L3MBTL4: variants seen among roughly 807,000 people sequenced by gnomAD.
L3MBTL4 encodes the protein lethal(3)malignant brain tumor-like protein 4.
In L3MBTL4, 70 loss-of-function variants were observed where a neutral mutation model predicts 84.5. The observed-to-expected ratio is 0.83, with a 90% CI of 0.68 to 1.01. The LOEUF (loss-of-function observed/expected upper bound fraction) is 1.01, where lower values mean the gene tolerates loss of function less well. L3MBTL4 is among the 50% of genes least tolerant of loss of function. The pLI, the probability that L3MBTL4 is intolerant of heterozygous loss-of-function variation, is 0.00. For missense variants in L3MBTL4, 715 were observed against 754.8 expected (o/e 0.95, Z 0.62); for synonymous variants, 274 against 259.8 (o/e 1.05, Z -0.52).
chr18:6,141,795 G>C (rs1044708071), intron 13 of L3MBTL4, among the ~76,000 whole-genome samples: 4 of 152,142 alleles, frequency 2.6e-5, no homozygotes, highest in African/African-American at 7.2e-5. Context: ...CTTGCAACCA[G>C]AGCAATCTTT....
At chr18:6,001,610 G>C (rs990690093) in intron 16 of L3MBTL4, among the ~76,000 whole-genome samples, 3 of 151,820 alleles carry the variant, frequency 2.0e-5, no homozygotes, top group Non-Finnish European at 4.4e-5. Flanking sequence ...AGGAAAGTAT[G>C]ACCCACTCAA....
intron 16 of L3MBTL4, among the ~76,000 whole-genome samples, chr18:6,041,903 G>A (rs1342676500): frequency 2.7e-5 from 4 of 149,948 alleles, no homozygotes; most frequent in Non-Finnish European, 5.9e-5. Flanking sequence ...TTTTTTTTTG[G>A]TATGGATGGG....
intron 4 of L3MBTL4, among the ~76,000 whole-genome samples, chr18:6,279,715 GT>G (rs1211706398): frequency 6.6e-6 from 1 of 152,110 alleles, no homozygotes; most frequent in Non-Finnish European, 1.5e-5. Context: ...TAATTAGGAG[GT>G]TAATATTAAG....
chr18:6,029,078 G>C (rs1003965444), intron 16 of L3MBTL4, among the ~76,000 whole-genome samples: 1 of 152,100 alleles, frequency 6.6e-6, no homozygotes, highest in African/African-American at 2.4e-5. Flanking sequence ...TTAAATCACC[G>C]AAACCATGAC....
intron 8 of L3MBTL4, among the ~76,000 whole-genome samples, chr18:6,240,126 T>C (rs929162444): frequency 1.3e-5 from 2 of 152,204 alleles, no homozygotes; most frequent in African/African-American, 4.8e-5. Context: ...TTTCTTTCCC[T>C]TATCATCTTC....
intron 4 of L3MBTL4, among the ~76,000 whole-genome samples, chr18:6,281,541 A>G (rs2049322029): frequency 6.6e-6 from 1 of 152,172 alleles, no homozygotes; most frequent in Non-Finnish European, 1.5e-5. Flanking sequence ...GTAATGTCTT[A>G]TTTCATGGAC....
intron 3 of L3MBTL4, among the ~76,000 whole-genome samples, chr18:6,306,264 C>G: frequency 6.6e-6 from 1 of 152,164 alleles, no homozygotes. Context: ...ATTTGTGGGA[C>G]TTTTCTCCAT....
At chr18:6,197,022 C>A (rs1330023390) in intron 12 of L3MBTL4, among the ~76,000 whole-genome samples, 1 of 152,254 alleles carries the variant, frequency 6.6e-6, no homozygotes, top group African/African-American at 2.4e-5. Context: ...GAACAGCTTA[C>A]AGATAAAACT....
At chr18:6,211,679 A>C (rs980840031) in intron 12 of L3MBTL4, among the ~76,000 whole-genome samples, 2 of 149,642 alleles carry the variant, frequency 1.3e-5, no homozygotes, top group African/African-American at 2.5e-5. Flanking sequence ...GACAGAGTCC[A>C]GCTCTGTCGC....
intron 5 of L3MBTL4, 114 bp downstream of exon 5, chr18:6,263,833 G>A: frequency 1.3e-6 from 1 of 798,808 alleles, no homozygotes; most frequent in Admixed American, 2.0e-5. Flanking sequence ...TTTTCCAGCA[G>A]AGCCTACAAA....
At chr18:6,005,719 G>A (rs1437056308) in intron 16 of L3MBTL4, among the ~76,000 whole-genome samples, 4 of 151,984 alleles carry the variant, frequency 2.6e-5, no homozygotes, top group Admixed American at 1.3e-4. Context: ...GTACCACATC[G>A]TCTTTATCCA....
At chr18:6,338,028 A>G (rs2052427787) in intron 1 of L3MBTL4, among the ~76,000 whole-genome samples, 2 of 152,108 alleles carry the variant, frequency 1.3e-5, no homozygotes, top group South Asian at 4.1e-4. Context: ...CAAACCAAAA[A>G]AACCCTAAGT....
At chr18:6,283,062 G>A (rs1008627987) in intron 4 of L3MBTL4, among the ~76,000 whole-genome samples, 1 of 152,188 alleles carries the variant, frequency 6.6e-6, no homozygotes, top group Non-Finnish European at 1.5e-5. Flanking sequence ...CCTAAGATGA[G>A]AGTGACGTTA....
chr18:6,295,346 C>CTCTCTATATATATATATATATATATA (rs1261475809), intron 4 of L3MBTL4, among the ~76,000 whole-genome samples: 1 of 81,382 alleles, frequency 1.2e-5, no homozygotes, highest in African/African-American at 6.6e-5. Flanking sequence ...CTCTCTCTCT[C>CTCTCTATATATATATATATATATATA]TATATATATA....
At chr18:6,191,117 C>T (rs60709112) in intron 12 of L3MBTL4, among the ~76,000 whole-genome samples, 10,213 of 152,206 alleles carry the variant, frequency 0.067, 356 homozygotes, top group South Asian at 0.11. Flanking sequence ...GATATGATGA[C>T]ATGGTCACAT....
At chr18:6,351,591 G>C (rs987892435) in intron 1 of L3MBTL4, among the ~76,000 whole-genome samples, 2 of 151,154 alleles carry the variant, frequency 1.3e-5, no homozygotes, top group African/African-American at 2.4e-5. Context: ...TCGCTCTGTC[G>C]CCCAGGCTGG....
chr18:6,022,467 C>T (rs1014464377), intron 16 of L3MBTL4, among the ~76,000 whole-genome samples: 1 of 152,176 alleles, frequency 6.6e-6, no homozygotes, highest in Admixed American at 6.5e-5. Context: ...TGATCATGTA[C>T]CTCTGGGACA....
At chr18:6,190,285 T>C (rs1342723114) in intron 12 of L3MBTL4, among the ~76,000 whole-genome samples, 1 of 152,202 alleles carries the variant, frequency 6.6e-6, no homozygotes, top group Non-Finnish European at 1.5e-5. Flanking sequence ...GAAAGGGCTG[T>C]AGTGTTGGCT....
At chr18:5,969,868 G>A (rs2052553029) in intron 16 of L3MBTL4, among the ~76,000 whole-genome samples, 1 of 152,214 alleles carries the variant, frequency 6.6e-6, no homozygotes, top group African/African-American at 2.4e-5. Context: ...ACTGCCACTG[G>A]CTTCTCTCTC....
Sources: allele counts gnomAD v4.1 joint callset (sites outside exome capture counted in the v4.1 genomes callset), GRCh38; gene constraint gnomAD v4.1.1; transcripts MANE v1.5; gene names NCBI Gene and HGNC (gene_info 2026-07-23, HGNC 2026-07-21).